Variants in MEIS2 observed in about 807,000 individuals in gnomAD.
The protein encoded by MEIS2 is homeobox protein Meis2.
Under a neutral mutation model 58.6 loss-of-function variants are expected in MEIS2, and 9 were observed. That is an observed-to-expected ratio of 0.15 (90% CI 0.09 to 0.27). The LOEUF is 0.27. MEIS2 is among the 10% of genes least tolerant of loss of function. The pLI, the probability that MEIS2 is intolerant of heterozygous loss-of-function variation, is 1.00. For missense variants in MEIS2, 427 were observed against 635.0 expected (o/e 0.67, Z 3.52); for synonymous variants, 221 against 228.4 (o/e 0.97, Z 0.29).
At chr15:36,996,093 G>A (rs1371064271) in intron 8 of MEIS2, among the ~76,000 whole-genome samples, 10 of 147,514 alleles carry the variant, frequency 6.8e-5, no homozygotes, top group Non-Finnish European at 1.3e-4. Flanking sequence ...TTAAATATTG[G>A]TGAATAATTA....
chr15:36,940,066 A>G (rs1382549365), intron 9 of MEIS2, among the ~76,000 whole-genome samples: 1 of 152,208 alleles, frequency 6.6e-6, no homozygotes, highest in Non-Finnish European at 1.5e-5. Flanking sequence ...TGTTACCCTA[A>G]GTAGGAGCTA....
Position 36,892,086 on chromosome 15 carries a change from C to A in MEIS2, c.*87G>T. ...AAATAATCACAGCTGTCTGGAATTTCATATTAAGTGTCAACATCTGGTCAA... is the reference window on the plus strand; with the variant it reads ...AAATAATCACAGCTGTCTGGAATTTAATATTAAGTGTCAACATCTGGTCAA... On this transcript the variant is annotated 3_prime_UTR_variant, in exon 12 of 12. Transcript: ENST00000561208. 1 of 1,380,510 alleles carries A rather than the reference C, an allele frequency of 7.2e-7. No individual in the cohort carries two copies. The highest frequency in any genetic ancestry group is 1.0e-6 in the Non-Finnish European group (1 of 987,848). The allele number at this position is 1,380,510 out of a possible 1,614,324, so 85.5% of individuals were successfully genotyped here.
intron 9 of MEIS2, among the ~76,000 whole-genome samples, chr15:36,941,210 G>T (rs1205530242): frequency 6.6e-6 from 1 of 152,132 alleles, no homozygotes; most frequent in East Asian, 1.9e-4. Flanking sequence ...GGCTAAGAAA[G>T]TATTTGGAAT....
At chr15:37,031,454 A>G (rs2061921312) in intron 8 of MEIS2, among the ~76,000 whole-genome samples, 1 of 24,090 alleles carries the variant, frequency 4.2e-5, no homozygotes, top group South Asian at 1.5e-3. Context: ...TGTGTACATT[A>G]CAATAACAAA....
intron 9 of MEIS2, among the ~76,000 whole-genome samples, chr15:36,936,197 CTTTT>C (rs397953201): frequency 1.4e-5 from 2 of 139,116 alleles, no homozygotes; most frequent in South Asian, 2.3e-4. Flanking sequence ...CATTTTCTTT[CTTTT>C]TTTTTTTTTT....
intron 7 of MEIS2, among the ~76,000 whole-genome samples, chr15:37,075,542 C>T (rs17528840): frequency 0.1 from 15,404 of 151,976 alleles, 967 homozygotes; most frequent in Non-Finnish European, 0.14. Flanking sequence ...CCAATACACA[C>T]CAAGTTTTGA....
chr15:37,072,519 C>T (rs1458942429), intron 7 of MEIS2, among the ~76,000 whole-genome samples: 1 of 152,138 alleles, frequency 6.6e-6, no homozygotes, highest in Non-Finnish European at 1.5e-5. Flanking sequence ...CATGCATTCT[C>T]TCATACAAAC....
chr15:36,952,174 G>C, intron 8 of MEIS2, among the ~76,000 whole-genome samples: 1 of 152,052 alleles, frequency 6.6e-6, no homozygotes, highest in Non-Finnish European at 1.5e-5. Flanking sequence ...CATCACTGAC[G>C]CCAGTGTGGC....
chr15:37,083,960 C>G, intron 6 of MEIS2, 75 bp from the exon 7 acceptor site: 1 of 1,257,114 alleles, frequency 8.0e-7, no homozygotes, highest in African/African-American at 1.5e-5. Context: ...AGGAACGGCA[C>G]AGAAAGAGAC....
intron 7 of MEIS2, among the ~76,000 whole-genome samples, chr15:37,063,739 G>A (rs1029572134): frequency 2.6e-5 from 4 of 152,138 alleles, no homozygotes; most frequent in African/African-American, 9.7e-5. Flanking sequence ...CTAGTATCTG[G>A]AAAGATGGTG....
chr15:37,027,515 T>C (rs1355773162), intron 8 of MEIS2, among the ~76,000 whole-genome samples: 2 of 152,198 alleles, frequency 1.3e-5, no homozygotes, highest in Non-Finnish European at 2.9e-5. Flanking sequence ...TAGCATTTAA[T>C]GGCACTCTAT....
intron 8 of MEIS2, among the ~76,000 whole-genome samples, 192 bp from the exon 9 acceptor site, chr15:36,950,592 T>C (rs2058720691): frequency 6.6e-6 from 1 of 152,116 alleles, no homozygotes; most frequent in Non-Finnish European, 1.5e-5. Context: ...AGCCCCATGT[T>C]TCTGTCATAC....
chr15:36,909,816 A>G (rs2056917084), intron 9 of MEIS2, among the ~76,000 whole-genome samples: 1 of 128,202 alleles, frequency 7.8e-6, no homozygotes, highest in African/African-American at 3.0e-5. Context: ...AGGAATGAGA[A>G]CTGAGATCAA....
In MEIS2 at chr15:37,096,327, C is replaced by A. The variant is rs776583289; in HGVS notation, c.349G>T (p.Asp117Tyr). The A allele has an allele frequency of 6.2e-7, 1 of 1,613,274 alleles. No individual in the cohort carries two copies. Among genetic ancestry groups the A allele is most frequent in the Non-Finnish European group, 8.5e-7 (1 of 1,179,658 alleles). The change falls in exon 3 of 12, where the codon GAC (aspartate) becomes TAC (tyrosine). Residue 117 changes from aspartate (D) to tyrosine (Y), a missense_variant. This residue lies in a region of MEIS2 where 138 missense variants were observed against 263.0 expected (regional missense o/e 0.52). Transcript: ENST00000561208. ...GVAGGDVCSS[D>Y]SFNEDIAVFA... The stretch of plus-strand genomic sequence containing the variant: ...ACCGCGATGTCCTCGTTGAAGGAGT[C>A]GGAGGAGCAGACGTCTCCGCCAGCC...
chr15:36,918,245 C>A (rs2057360446), intron 9 of MEIS2, among the ~76,000 whole-genome samples: 1 of 152,230 alleles, frequency 6.6e-6, no homozygotes, highest in Non-Finnish European at 1.5e-5. Flanking sequence ...AGAGGCAGCA[C>A]AATTTAATGA....
rs968812641 is a variant in MEIS2, at chr15:36,890,839, G to A, written c.*1334C>T. 3 of 152,142 alleles carry A rather than the reference G, an allele frequency of 2.0e-5. No individual in the cohort carries two copies. Among genetic ancestry groups the A allele is most frequent in the African/African-American group, 7.2e-5 (3 of 41,430 alleles). 9.4% of individuals were successfully genotyped at this position (152,142 alleles called of 1,614,324 possible). A position where few individuals can be genotyped will look rare whatever the true frequency, so the allele number is the denominator to read the frequency against. ...ATGTACACATAGTTTCGTACCTTTA[G>A]AAGTTTTCTGCTGGTGGAACTTATA... On this transcript the variant is annotated 3_prime_UTR_variant, in exon 12 of 12. Transcript: ENST00000561208.
At chr15:37,082,027 T>G (rs909150902) in intron 7 of MEIS2, among the ~76,000 whole-genome samples, 3 of 152,196 alleles carry the variant, frequency 2.0e-5, no homozygotes, top group Non-Finnish European at 4.4e-5. Context: ...CTCTGGCCCT[T>G]TCTTGCTATC....
At chr15:37,093,494 A>G (rs1893810785) in intron 6 of MEIS2, 87 bp downstream of exon 6, 2 of 1,469,172 alleles carry the variant, frequency 1.4e-6, no homozygotes, top group East Asian at 2.4e-5. Context: ...AAAGAAAACT[A>G]AATCAGTGGA....
chr15:37,006,819 G>T (rs559239517), intron 8 of MEIS2, among the ~76,000 whole-genome samples: 2 of 152,196 alleles, frequency 1.3e-5, no homozygotes, highest in Admixed American at 1.3e-4. Flanking sequence ...TTCTGTTGTA[G>T]CTTCATGAAA....
Sources: gnomAD v4.1 joint callset for allele counts (sites outside exome capture counted in the v4.1 genomes callset) on GRCh38, gnomAD v4.1.1 for gene constraint, gnomAD v4.1.1 regional missense constraint, MANE v1.5 for transcripts, NCBI Gene and HGNC (gene_info 2026-07-23, HGNC 2026-07-21) for gene names.